The following RGS12 variants were observed in gnomAD, a reference collection of about 807,000 sequenced individuals.
RGS12 encodes regulator of G-protein signaling 12.
In RGS12, 66 loss-of-function variants were observed where a neutral mutation model predicts 120.1. The ratio of observed to expected loss-of-function variants is 0.55; its 90% CI spans 0.45 to 0.67. The LOEUF (loss-of-function observed/expected upper bound fraction) is 0.67, where lower values mean the gene tolerates loss of function less well. Among genes scored for constraint, RGS12 ranks in the 30% least tolerant of loss-of-function variants. The probability of loss-of-function intolerance (pLI) is 0.00; values close to 1 mark genes in which losing one functional copy is unlikely to be tolerated. For synonymous variants in RGS12, 827 were observed against 804.7 expected, an observed-to-expected ratio of 1.03 and a Z score of -0.47; for missense variants, 1,859 against 1,957.7, an observed-to-expected ratio of 0.95 and a Z score of 0.95.
intron 2 of RGS12, among the ~76,000 whole-genome samples, chr4:3,322,935 T>C (rs1725294336): frequency 6.6e-6 from 1 of 152,206 alleles, no homozygotes; most frequent in Non-Finnish European, 1.5e-5. Flanking sequence ...TGTTGCTTAC[T>C]GAGATAAGAC....
intron 1 of RGS12, among the ~76,000 whole-genome samples, chr4:3,295,215 G>A (rs955244110): frequency 6.6e-6 from 1 of 152,198 alleles, no homozygotes; most frequent in African/African-American, 2.4e-5. Flanking sequence ...GAAGGTCGGG[G>A]GTAGAGGAGA....
rs1200173028 is a variant in RGS12, at chr4:3,346,126, A to G, written c.1998+3073A>G. Among the ~76,000 whole-genome samples the G allele has an allele frequency of 2.6e-5, 4 of 152,200 alleles. No individual in the cohort carries two copies. The East Asian group carries it at 7.7e-4, about 29-fold the overall frequency. The stretch of plus-strand genomic sequence containing the variant: ...TATAGCAGGTAGTATCAGCAATAGC[A>G]CAGACATTTCCTTCTTTACGCAATG... On this transcript the variant is annotated intron_variant, in intron 3 of 17. Transcript: ENST00000336727.
chr4:3,305,660 C>T (rs575707446), intron 1 of RGS12, among the ~76,000 whole-genome samples: 5 of 152,248 alleles, frequency 3.3e-5, no homozygotes, highest in South Asian at 4.2e-4. Context: ...GCCTCACTTC[C>T]GAGACCCAGC....
chr4:3,293,793 ACAGAGAGGGGGCCCAGAG>A (rs1723194855), intron 1 of RGS12, among the ~76,000 whole-genome samples: 1 of 150,860 alleles, frequency 6.6e-6, no homozygotes, highest in African/African-American at 2.5e-5. Flanking sequence ...TGGAGTGTGG[ACAGAGAGGGGGCCCAGAG>A]CCGTGGAGTG....
chr4:3,364,453 G>T (rs1186108798), intron 3 of RGS12, among the ~76,000 whole-genome samples: 1 of 152,166 alleles, frequency 6.6e-6, no homozygotes, highest in East Asian at 1.9e-4. Flanking sequence ...TTCCTGAGCT[G>T]CGGTTCAGTA....
intron 4 of RGS12, among the ~76,000 whole-genome samples, chr4:3,406,361 C>G (rs1354186469): frequency 6.6e-6 from 1 of 152,226 alleles, no homozygotes; most frequent in East Asian, 1.9e-4. Context: ...ACAGCCTTTC[C>G]AGGACTTTTT....
At chr4:3,307,860 A>T (rs982555377) in intron 1 of RGS12, among the ~76,000 whole-genome samples, 7 of 152,252 alleles carry the variant, frequency 4.6e-5, no homozygotes, top group Non-Finnish European at 7.3e-5. Flanking sequence ...CAGTCCTTTT[A>T]AAAAGGGTCC....
At chr4:3,404,835 G>T (rs1230838605) in intron 4 of RGS12, among the ~76,000 whole-genome samples, 2 of 152,236 alleles carry the variant, frequency 1.3e-5, no homozygotes, top group Non-Finnish European at 2.9e-5. Context: ...GAGGGTGTCA[G>T]GCTCTGTGGA....
At chr4:3,384,400 C>T (rs914551900) in intron 3 of RGS12, among the ~76,000 whole-genome samples, 2 of 152,206 alleles carry the variant, frequency 1.3e-5, no homozygotes, top group African/African-American at 4.8e-5. Flanking sequence ...GTGATCCACT[C>T]ACCTCGGCTT....
At chr4:3,363,181 G>A (rs1252596966) in intron 3 of RGS12, among the ~76,000 whole-genome samples, 1 of 151,598 alleles carries the variant, frequency 6.6e-6, no homozygotes, top group Non-Finnish European at 1.5e-5. Context: ...GCGTCAGTGA[G>A]TGTGCATGGC....
chr4:3,402,687 G>C (rs1342822649), intron 4 of RGS12, among the ~76,000 whole-genome samples: 1 of 152,134 alleles, frequency 6.6e-6, no homozygotes, highest in African/African-American at 2.4e-5. Flanking sequence ...CCTCTGGTGG[G>C]GCCAAGCCAC....
At position 3,366,953 on chromosome 4, in the gene RGS12, G is replaced by A. The variant is rs542080666; in HGVS notation, c.1999-19463G>A. Among the ~76,000 whole-genome samples the A allele has an allele frequency of 3.9e-4, 59 of 152,266 alleles. No individual in the cohort carries two copies. Among genetic ancestry groups the A allele is most frequent in the Middle Eastern group, 3.4e-3 (1 of 294 alleles). ...CCCACGTGGGTCCTCACCTCTGCCC[G>A]GCTCAGCTCCTCCCCGCCCAGAATG... On this transcript the variant is annotated intron_variant, in intron 3 of 17. Transcript: ENST00000336727. This position sits in a 1 kb window ranked among gnomAD's most constrained non-coding sequence, Gnocchi z 4.0.
chr4:3,423,335 C>T (rs1228818419), intron 12 of RGS12, among the ~76,000 whole-genome samples, 180 bp from the exon 13 acceptor site: 1 of 152,236 alleles, frequency 6.6e-6, no homozygotes, highest in African/African-American at 2.4e-5. Context: ...GACCATAGCC[C>T]TTGCTTGGCC....
intron 7 of RGS12, 89 bp from the exon 8 acceptor site, chr4:3,416,824 G>A: frequency 8.3e-7 from 1 of 1,204,418 alleles, no homozygotes; most frequent in Non-Finnish European, 1.2e-6. Context: ...AGGGCCAGTG[G>A]TTGCCTACAG....
Position 3,374,573 on chromosome 4 carries a change from C to G in RGS12, c.1999-11843C>G, listed in dbSNP as rs1717428585. Among the ~76,000 whole-genome samples, 1 of 152,064 alleles carries G rather than the reference C, an allele frequency of 6.6e-6. No individual in the cohort carries two copies. The highest frequency in any genetic ancestry group is 1.5e-5 in the Non-Finnish European group (1 of 68,010). ...CAAGACTTGGATTCTCCCCTCGCCTCCAGTGTACCCCTCCCTCAGTCTGCC... is the reference window on the plus strand; with the variant it reads ...CAAGACTTGGATTCTCCCCTCGCCTGCAGTGTACCCCTCCCTCAGTCTGCC... On this transcript the variant is annotated intron_variant, in intron 3 of 17. Transcript: ENST00000336727. This position sits in a 1 kb window ranked among gnomAD's most constrained non-coding sequence, Gnocchi z 6.3.
chr4:3,369,557 A>G (rs1283757989), intron 3 of RGS12, among the ~76,000 whole-genome samples: 1 of 152,178 alleles, frequency 6.6e-6, no homozygotes, highest in African/African-American at 2.4e-5. Flanking sequence ...CCTAGAGCCC[A>G]TTAGGACGAG....
At chr4:3,349,020 A>G (rs1323058167) in intron 3 of RGS12, among the ~76,000 whole-genome samples, 1 of 152,256 alleles carries the variant, frequency 6.6e-6, no homozygotes, top group Non-Finnish European at 1.5e-5. Flanking sequence ...AGCTTGTTTT[A>G]TAAACATACT....
chr4:3,316,494 T>C lies in RGS12; in HGVS notation c.324T>C (p.Asp108=), dbSNP rs781289006. 9.3e-6 allele frequency: 15 copies of C among 1,614,172 alleles called. No homozygotes were observed. In the Admixed American group the frequency reaches 1.3e-4, roughly 14 times the overall value. ...GCCGCTTCGAATCCTGTTCCAGTGA[T>C]GAAGAAGGGGGACTCTATGAAGGAA... is the stretch of plus-strand genomic sequence containing the variant. ...GVGRFESCSS[D]EEGGLYEGKG... The change falls in exon 2 of 18, where the codon GAT becomes GAC. Residue 108 remains aspartate (D), a synonymous_variant. Transcript: ENST00000336727.
At chr4:3,341,999 C>T (rs555416283) in intron 2 of RGS12, among the ~76,000 whole-genome samples, 139 of 150,550 alleles carry the variant, frequency 9.2e-4, no homozygotes, top group African/African-American at 3.3e-3. Context: ...GGTGTGTCAG[C>T]GTGGTGGTCA....
Sources: gnomAD v4.1 joint callset for allele counts (sites outside exome capture counted in the v4.1 genomes callset) on GRCh38, gnomAD v4.1.1 for gene constraint, Gnocchi (gnomAD v3.1) non-coding constraint, MANE v1.5 for transcripts, NCBI Gene and HGNC (gene_info 2026-07-23, HGNC 2026-07-21) for gene names.